The following CAPN8 variants were observed in gnomAD, a reference collection of about 807,000 sequenced individuals.
The protein encoded by CAPN8 is calpain 8, also known as calpain-8.
CAPN8 carries 87 observed loss-of-function variants against 80.9 expected under a neutral mutation model. That is an observed-to-expected ratio of 1.07 (90% CI 0.90 to 1.28). The LOEUF (loss-of-function observed/expected upper bound fraction) is 1.28. Among genes scored for constraint, CAPN8 ranks in the 50% most tolerant of loss-of-function variants. CAPN8 has a pLI of 0.00. For missense variants in CAPN8, 757 were observed against 702.0 expected, an observed-to-expected ratio of 1.08 and a Z score of -0.89; for synonymous variants, 299 against 273.8, an observed-to-expected ratio of 1.09 and a Z score of -0.91.
At chr1:223,548,944 G>T (rs774753877) in intron 16 of CAPN8, among the ~76,000 whole-genome samples, 1 of 151,864 alleles carries the variant, frequency 6.6e-6, no homozygotes, top group African/African-American at 2.4e-5. Context: ...GGTAGAGGGT[G>T]GGGGTGGGGA....
intron 20 of CAPN8, 35 bp downstream of exon 20, chr1:223,543,073 T>G: frequency 6.4e-7 from 1 of 1,550,808 alleles, no homozygotes; most frequent in Non-Finnish European, 8.7e-7. Flanking sequence ...CAGAGTACCA[T>G]CAGCCAGCAA....
chr1:223,650,777 C>G (rs1363135321), intron 2 of CAPN8, among the ~76,000 whole-genome samples: 1 of 152,050 alleles, frequency 6.6e-6, no homozygotes, highest in Non-Finnish European at 1.5e-5. Context: ...AGCCAGTGAC[C>G]AAAGGAGTTC....
chr1:223,658,165 G>A (rs1361587935), intron 1 of CAPN8, among the ~76,000 whole-genome samples: 1 of 152,118 alleles, frequency 6.6e-6, no homozygotes, highest in East Asian at 1.9e-4. Flanking sequence ...ACTATTAACT[G>A]CAGAATATGC....
intron 1 of CAPN8, among the ~76,000 whole-genome samples, chr1:223,661,673 G>A (rs183160105): frequency 2.1e-3 from 315 of 152,188 alleles, no homozygotes; most frequent in African/African-American, 7.4e-3. Context: ...ACAAACATTG[G>A]CAAGGATGTG....
intron 2 of CAPN8, among the ~76,000 whole-genome samples, chr1:223,654,051 G>A (rs374606213): frequency 1.3e-5 from 2 of 152,176 alleles, no homozygotes; most frequent in Non-Finnish European, 2.9e-5. Flanking sequence ...CTCTACGCCT[G>A]TAATCCTGGC....
At chr1:223,628,954 C>T (rs1034994670) in intron 2 of CAPN8, 174 bp from the exon 3 acceptor site, 1 of 590,332 alleles carries the variant, frequency 1.7e-6, no homozygotes, top group Admixed American at 3.1e-5. Context: ...CTTCTTCTGC[C>T]TCCTTGGGAT....
chr1:223,625,773 C>A, intron 6 of CAPN8, 32 bp downstream of exon 6: 1 of 1,512,144 alleles, frequency 6.6e-7, no homozygotes, highest in Non-Finnish European at 9.0e-7. Flanking sequence ...TATTATCACA[C>A]GTTACCTTCC....
intron 7 of CAPN8, 52 bp from the exon 8 acceptor site, chr1:223,620,318 G>A (rs1211217900): frequency 6.0e-6 from 9 of 1,494,240 alleles, no homozygotes; most frequent in South Asian, 1.2e-5. Flanking sequence ...CTACAAGCAG[G>A]GCAAGCTGTT....
At chr1:223,649,493 GGATCAGT>G (rs1437085533) in intron 2 of CAPN8, among the ~76,000 whole-genome samples, 1 of 152,148 alleles carries the variant, frequency 6.6e-6, no homozygotes, top group Non-Finnish European at 1.5e-5. Context: ...CCACTGTTAA[GGATCAGT>G]CAGCACCTCC....
At chr1:223,651,776 A>G (rs1275852829) in intron 2 of CAPN8, among the ~76,000 whole-genome samples, 1 of 152,258 alleles carries the variant, frequency 6.6e-6, no homozygotes, top group Non-Finnish European at 1.5e-5. Flanking sequence ...AGTTCTTTAT[A>G]GACTGTTATG....
chr1:223,623,008 A>C (rs1657449882), intron 6 of CAPN8, 108 bp from the exon 7 acceptor site: 7 of 805,480 alleles, frequency 8.7e-6, no homozygotes, highest in Admixed American at 5.3e-5. Flanking sequence ...ATGTCCCTAA[A>C]GGACCACACT....
rs111895734 is a variant in CAPN8, at chr1:223,634,145, G to A, written c.308-5365C>T. Among the ~76,000 whole-genome samples the A allele has an allele frequency of 2.4e-3, 369 of 152,256 alleles. 4 individuals are homozygous for A. The highest frequency in any genetic ancestry group is 8.5e-3 in the African/African-American group (354 of 41,548). ...CGGAAGTGCCCCCAAGTCTCCCTCG[G>A]GTATTATGTAAGATTGAGCTGAGGG... On this transcript the variant is annotated intron_variant, in intron 2 of 20. Coordinates refer to ENST00000366872, the MANE Select transcript of CAPN8 (RefSeq NM_001143962.2).
chr1:223,622,651 C>G, intron 7 of CAPN8, 164 bp downstream of exon 7: 3 of 613,168 alleles, frequency 4.9e-6, no homozygotes, highest in South Asian at 2.0e-5. Context: ...TTTTGCTTTT[C>G]CCAGCCTGGA....
intron 4 of CAPN8, among the ~76,000 whole-genome samples, chr1:223,627,563 A>G (rs1164357059): frequency 1.3e-5 from 2 of 152,256 alleles, no homozygotes; most frequent in Non-Finnish European, 2.9e-5. Flanking sequence ...ATCAGTAAAC[A>G]AAACTAATTA....
At chr1:223,551,890 A>C (rs1273542372) in intron 14 of CAPN8, among the ~76,000 whole-genome samples, 1 of 152,156 alleles carries the variant, frequency 6.6e-6, no homozygotes, top group East Asian at 1.9e-4. Flanking sequence ...CACCTACAGG[A>C]GTTGGTATTT....
chr1:223,618,103 G>A (rs543679839), intron 9 of CAPN8: 258 of 897,088 alleles, frequency 2.9e-4, no homozygotes, highest in Non-Finnish European at 4.0e-4. Context: ...TGCCCCATGC[G>A]CTTACAGTCT....
At chr1:223,610,523 G>C (rs1234067520) in intron 11 of CAPN8, among the ~76,000 whole-genome samples, 1 of 152,212 alleles carries the variant, frequency 6.6e-6, no homozygotes, top group South Asian at 2.1e-4. Flanking sequence ...GGTAGCAAAG[G>C]GAGGAGACAG....
Position 223,553,910 on chromosome 1 carries a change from A to G in CAPN8, c.1573-10T>C. The G allele has an allele frequency of 2.5e-6, 1 of 398,660 alleles. No homozygotes were observed. The highest frequency in any genetic ancestry group is 4.4e-6 in the Non-Finnish European group (1 of 226,082). 24.7% of individuals were successfully genotyped at this position (398,660 alleles called of 1,614,324 possible). A position where few individuals can be genotyped will look rare whatever the true frequency, so the allele number is the denominator to read the frequency against. ...CCTCACTGGGATGTGGCTAAAAAGA[A>G]GGACATTTGCAAAGTTAAAATGGGA... On this transcript the variant is annotated splice_polypyrimidine_tract_variant and intron_variant, in intron 13 of 20. Coordinates refer to ENST00000366872, the MANE Select transcript of CAPN8 (RefSeq NM_001143962.2).
intron 2 of CAPN8, among the ~76,000 whole-genome samples, chr1:223,645,798 C>T (rs1206655275): frequency 2.0e-5 from 3 of 152,150 alleles, no homozygotes; most frequent in African/African-American, 7.2e-5. Context: ...CATCCCAGGG[C>T]TGCTTAGCTA....
Sources: gnomAD v4.1 joint callset for allele counts (sites outside exome capture counted in the v4.1 genomes callset) on GRCh38, gnomAD v4.1.1 for gene constraint, MANE v1.5 for transcripts, NCBI Gene and HGNC (gene_info 2026-07-23, HGNC 2026-07-21) for gene names.